The following SNX14 variants were observed in gnomAD, a reference collection of about 807,000 sequenced individuals.
SNX14 encodes the protein sorting nexin 14.
A neutral mutation model predicts 133.8 loss-of-function variants in SNX14; 93 were observed. That is an observed-to-expected ratio of 0.70 (90% CI 0.59 to 0.83). The LOEUF (loss-of-function observed/expected upper bound fraction) is 0.83. Ranked by LOEUF, SNX14 falls within the 40% of genes least tolerant of loss-of-function variation. SNX14 has a pLI of 0.00. For synonymous variants in SNX14, 368 were observed against 365.6 expected (o/e 1.01, Z -0.07); for missense variants, 945 against 1,094.9 (o/e 0.86, Z 1.93).
chr6:85,578,030 C>T (rs1797860250), intron 1 of SNX14, among the ~76,000 whole-genome samples: 2 of 151,984 alleles, frequency 1.3e-5, no homozygotes, highest in South Asian at 2.1e-4. Flanking sequence ...GGAGAGCTAA[C>T]ACAGTAACTG....
At chr6:85,593,492 G>A in intron 1 of SNX14, 87 bp downstream of exon 1, 3 of 1,477,500 alleles carry the variant, frequency 2.0e-6, no homozygotes, top group Non-Finnish European at 2.7e-6. Context: ...CCGCAGCTAC[G>A]CGGCCTCCGC....
At chr6:85,548,991 AAG>A (rs1786811668) in intron 8 of SNX14, among the ~76,000 whole-genome samples, 1 of 151,090 alleles carries the variant, frequency 6.6e-6, no homozygotes, top group Non-Finnish European at 1.5e-5. Flanking sequence ...AAAAAAAAGA[AAG>A]AAAGAAAATA....
intron 1 of SNX14, among the ~76,000 whole-genome samples, chr6:85,580,250 A>G (rs780117477): frequency 6.6e-6 from 1 of 151,894 alleles, no homozygotes; most frequent in Non-Finnish European, 1.5e-5. Flanking sequence ...CCAGAAGGAA[A>G]CCCACTGCCT....
In SNX14 at chr6:85,526,176, T is replaced by C; in HGVS notation, c.2057A>G (p.Asn686Ser). 6.2e-7 allele frequency: 1 copy of C among 1,608,826 alleles called. No individual in the cohort carries two copies. Among genetic ancestry groups the C allele is most frequent in the African/African-American group, 1.3e-5 (1 of 74,854 alleles). Reference sequence around the variant, plus strand: ...ATCAAGAAATTGTGTTTCCCCACCATTAGGGGAAAGAAAGTCTGCCAGAAG... The same window carrying C: ...ATCAAGAAATTGTGTTTCCCCACCACTAGGGGAAAGAAAGTCTGCCAGAAG... ...SQLLADFLSP[N>S]GGETQFLDKI... Residue 686 changes from asparagine to serine, a missense_variant, in exon 21 of 29, where the codon AAT becomes AGT. Physicochemically the swap from Asn to Ser is conservative, Grantham distance 46. Coordinates refer to ENST00000314673, the MANE Select transcript of SNX14 (RefSeq NM_153816.6).
At chr6:85,581,426 CA>C (rs1228901262) in intron 1 of SNX14, 5 of 152,172 alleles carry the variant, frequency 3.3e-5, no homozygotes, top group Non-Finnish European at 7.3e-5. Flanking sequence ...AATAACTCTT[CA>C]ATACCCAGAC....
intron 21 of SNX14, among the ~76,000 whole-genome samples, chr6:85,524,968 T>C (rs1053226203): frequency 6.6e-6 from 1 of 152,172 alleles, no homozygotes; most frequent in African/African-American, 2.4e-5. Context: ...CATGTACTTG[T>C]AATGTATGTA....
At chr6:85,523,278 T>C (rs972245497) in intron 21 of SNX14, among the ~76,000 whole-genome samples, 2 of 152,126 alleles carry the variant, frequency 1.3e-5, no homozygotes, top group African/African-American at 4.8e-5. Context: ...ACGTGTACTT[T>C]AGGAAGATTA....
chr6:85,552,819 T>G (rs957925689), intron 7 of SNX14, among the ~76,000 whole-genome samples: 1 of 151,958 alleles, frequency 6.6e-6, no homozygotes, highest in Non-Finnish European at 1.5e-5. Context: ...CTGGAGAGAG[T>G]TACACCCACA....
intron 18 of SNX14, among the ~76,000 whole-genome samples, chr6:85,530,522 G>A (rs976863035): frequency 2.3e-4 from 35 of 151,888 alleles, no homozygotes; most frequent in Non-Finnish European, 1.5e-4. Flanking sequence ...GCAGGCACCT[G>A]TAGTCCCAGC....
rs559287406 is a variant in SNX14, at chr6:85,557,396, G to A, written c.634+580C>T. Among the ~76,000 whole-genome samples, 168 of 152,136 alleles carry A rather than the reference G, an allele frequency of 1.1e-3. 1 individual carries two copies. Among genetic ancestry groups the A allele is most frequent in the African/African-American group, 4.0e-3 (168 of 41,522 alleles). ...GAAGGAAAGGAGGAAAGGAAAGAAG[G>A]GAAAACATTTAATGAACATATGCTA... On this transcript the variant is annotated intron_variant, in intron 7 of 28. Transcript: ENST00000314673.
chr6:85,520,353 T>G (rs1377997385), intron 21 of SNX14, among the ~76,000 whole-genome samples: 1 of 150,270 alleles, frequency 6.7e-6, no homozygotes, highest in Non-Finnish European at 1.5e-5. Flanking sequence ...AATGCTATAT[T>G]ATTTTTTACC....
intron 1 of SNX14, among the ~76,000 whole-genome samples, chr6:85,580,150 C>T (rs995621113): frequency 6.6e-6 from 1 of 152,150 alleles, no homozygotes; most frequent in Non-Finnish European, 1.5e-5. Context: ...GATACCATCT[C>T]AGGGACAGGA....
chr6:85,547,811 C>G (rs186466984), intron 9 of SNX14, among the ~76,000 whole-genome samples: 1 of 152,252 alleles, frequency 6.6e-6, no homozygotes, highest in African/African-American at 2.4e-5. Context: ...CTTGTTTCTT[C>G]AAAATCTCAC....
chr6:85,514,318 C>T (rs1774024418), intron 24 of SNX14, 84 bp from the exon 25 acceptor site: 1 of 1,512,992 alleles, frequency 6.6e-7, no homozygotes, highest in Non-Finnish European at 8.9e-7. Context: ...ACACAAATGA[C>T]CATGGTCAAT....
Position 85,592,110 on chromosome 6 carries a change from AAAT to A in SNX14, c.140+1466_140+1468del, listed in dbSNP as rs1157305670. 2.0e-5 allele frequency among the ~76,000 whole-genome samples: 3 copies of A among 152,266 alleles called. No homozygotes were observed. The East Asian group carries it at 5.8e-4, about 29-fold the overall frequency. On this transcript the variant is annotated intron_variant, in intron 1 of 28. Coordinates refer to ENST00000314673, the MANE Select transcript of SNX14 (RefSeq NM_153816.6). ...GAATACCTTCCAGATGACAGAAAGCAAATAATAATTAGTGTTCCCTCTGTTAAG... is the reference window on the plus strand; with the variant it reads ...GAATACCTTCCAGATGACAGAAAGCAAATAATTAGTGTTCCCTCTGTTAAG...
In SNX14 at chr6:85,513,895, T is replaced by C; in HGVS notation, c.2558A>G (p.Asp853Gly). ...RLVSLITLLR[D>G]AIFCENTEPR... ...TTCAGTGTTTTCACAGAATATAGCATCTAAAAAAGAGTAAAAAGAAATATT... is the reference window on the plus strand; with the variant it reads ...TTCAGTGTTTTCACAGAATATAGCACCTAAAAAAGAGTAAAAAGAAATATT... The change falls in exon 26 of 29, where the codon GAT becomes GGT. Residue 853 changes from aspartate to glycine, a missense_variant and splice_region_variant. Physicochemically the swap from Asp to Gly is moderately conservative, Grantham distance 94. This residue lies in a region of SNX14 where 412 missense variants were observed against 516.6 expected (regional missense o/e 0.80). Coordinates refer to ENST00000314673, the MANE Select transcript of SNX14 (RefSeq NM_153816.6). 1 of 1,604,166 alleles carries C rather than the reference T, an allele frequency of 6.2e-7. No homozygotes were observed. Among genetic ancestry groups the C allele is most frequent in the Non-Finnish European group, 8.5e-7 (1 of 1,176,840 alleles).
chr6:85,581,529 A>G (rs539489691), intron 1 of SNX14: 1 of 152,358 alleles, frequency 6.6e-6, no homozygotes, highest in East Asian at 1.9e-4. Context: ...TCCTGGAGAA[A>G]CAAAGATATG....
chr6:85,587,321 T>C (rs977385019), intron 1 of SNX14, among the ~76,000 whole-genome samples: 4 of 151,800 alleles, frequency 2.6e-5, no homozygotes, highest in African/African-American at 9.7e-5. Flanking sequence ...AAAAGTTAAT[T>C]AAAAAGACAA....
chr6:85,556,160 T>C (rs1186119726), intron 7 of SNX14, among the ~76,000 whole-genome samples: 1 of 152,178 alleles, frequency 6.6e-6, no homozygotes, highest in Non-Finnish European at 1.5e-5. Context: ...CAATAATTCT[T>C]CTGTGAATGC....
Sources: allele counts gnomAD v4.1 joint callset (sites outside exome capture counted in the v4.1 genomes callset), GRCh38; gene constraint gnomAD v4.1.1; regional missense constraint gnomAD v4.1.1; transcripts MANE v1.5; gene names NCBI Gene and HGNC (gene_info 2026-07-23, HGNC 2026-07-21).